GATAD2A: variants seen among roughly 807,000 people sequenced by gnomAD.
GATAD2A encodes the protein GATA zinc finger domain containing 2A, also known as transcriptional repressor p66-alpha.
In GATAD2A, 12 loss-of-function variants were observed where a neutral mutation model predicts 68.5. The observed-to-expected ratio is 0.18, with a 90% CI of 0.11 to 0.28. The LOEUF is 0.28. GATAD2A is among the 10% of genes least tolerant of loss of function. The pLI is 1.00. For missense variants in GATAD2A, 755 were observed against 868.5 expected (o/e 0.87, Z 1.64); for synonymous variants, 410 against 375.3 (o/e 1.09, Z -1.07).
chr19:19,402,810 G>A (rs2049890758), upstream of GATAD2A, among the ~76,000 whole-genome samples: 1 of 124,934 alleles, frequency 8.0e-6, no homozygotes, highest in Admixed American at 9.7e-5. Context: ...TTCTGGCTCT[G>A]TCGGCCAGGC....
chr19:19,478,063 C>T lies in GATAD2A; in HGVS notation c.269+12449C>T, dbSNP rs2058795083. Among the ~76,000 whole-genome samples, 3 of 152,106 alleles carry T rather than the reference C, an allele frequency of 2.0e-5. No individual in the cohort carries two copies. In the South Asian group the frequency reaches 6.2e-4, roughly 31 times the overall value. ...TTATAGTGTATCTTTGGGGTGAATC[C>T]TATTAAATTTTTAGTACCTCTCACT... On this transcript the variant is annotated intron_variant, in intron 2 of 11. Transcript: ENST00000683918.
At chr19:19,449,421 C>T (rs1439001052) in intron 1 of GATAD2A, among the ~76,000 whole-genome samples, 1 of 152,110 alleles carries the variant, frequency 6.6e-6, no homozygotes, top group East Asian at 1.9e-4. Context: ...AACTCCTGGG[C>T]TCAAGCACTC....
At chr19:19,504,630 T>G (rs1285271510) in intron 11 of GATAD2A, among the ~76,000 whole-genome samples, 2 of 144,798 alleles carry the variant, frequency 1.4e-5, no homozygotes, top group South Asian at 2.3e-4. Context: ...TAGGAGATAG[T>G]TTTTTTTTCC....
chr19:19,499,906 C>G (rs779680342), intron 8 of GATAD2A, among the ~76,000 whole-genome samples: 1 of 152,224 alleles, frequency 6.6e-6, no homozygotes, highest in African/African-American at 2.4e-5. Flanking sequence ...AGGTGAGGCT[C>G]TGACACAGCC....
intron 1 of GATAD2A, among the ~76,000 whole-genome samples, chr19:19,446,604 G>A (rs1044014264): frequency 1.3e-5 from 2 of 151,958 alleles, no homozygotes; most frequent in African/African-American, 4.8e-5. Flanking sequence ...CAAACACCAA[G>A]TCATGACATT....
At chr19:19,434,051 G>A (rs1417886336) in intron 1 of GATAD2A, among the ~76,000 whole-genome samples, 2 of 152,204 alleles carry the variant, frequency 1.3e-5, no homozygotes, top group African/African-American at 4.8e-5. Context: ...GTAATTAGAG[G>A]CATGAGCCAC....
At chr19:19,490,279 C>G (rs2059701749) in intron 2 of GATAD2A, among the ~76,000 whole-genome samples, 1 of 152,110 alleles carries the variant, frequency 6.6e-6, no homozygotes, top group Non-Finnish European at 1.5e-5. Context: ...TAAAGCGGTT[C>G]CTGAGTCCAG....
At chr19:19,437,092 G>A (rs2054452039) in intron 1 of GATAD2A, among the ~76,000 whole-genome samples, 1 of 152,092 alleles carries the variant, frequency 6.6e-6, no homozygotes, top group Non-Finnish European at 1.5e-5. Flanking sequence ...TTTCCAGAAT[G>A]TTCTCCAAAC....
rs763414429 is a variant in GATAD2A at position 19,465,289 on chromosome 19, G to C, written c.-6-51G>C. 17 of 1,378,256 alleles carry C rather than the reference G, an allele frequency of 1.2e-5. 1 individual carries two copies. The Admixed American group carries it at 2.7e-4, about 22-fold the overall frequency. The allele number at this position is 1,378,256 out of a possible 1,614,324, so 85.4% of individuals were successfully genotyped here. ...ACACTGAAAAGTCTCCAAGAAGGTGGCACCTTCATTGCACCCAGTTAAAAT... is the reference window on the plus strand; with the variant it reads ...ACACTGAAAAGTCTCCAAGAAGGTGCCACCTTCATTGCACCCAGTTAAAAT... On this transcript the variant is annotated intron_variant, in intron 1 of 11. Transcript: ENST00000683918.
chr19:19,505,823 C>T lies in GATAD2A; in HGVS notation c.*349C>T, dbSNP rs1465097996. 8 of 436,268 alleles carry T rather than the reference C, an allele frequency of 1.8e-5. No homozygotes were observed. Among genetic ancestry groups the T allele is most frequent in the South Asian group, 6.9e-5 (1 of 14,540 alleles). 27.0% of individuals were successfully genotyped at this position (436,268 alleles called of 1,614,324 possible). On this transcript the variant is annotated 3_prime_UTR_variant, in exon 12 of 12. Transcript: ENST00000683918. ...CCCTTGTTCAGCCCCTGCCGGCACA[C>T]GGGCGGCTCACCCTGGACACTGTGA...
rs575057323 is a variant in GATAD2A, at chr19:19,493,737, C to T, written c.535-557C>T. ...AAACCCTGCCCCCACTGCCCCCGCG[C>T]CCCCTCCCCGCCCCCCACCTTACAC... On this transcript the variant is annotated intron_variant, in intron 4 of 11. Coordinates refer to ENST00000683918, the MANE Select transcript of GATAD2A (RefSeq NM_001384528.1). Among the ~76,000 whole-genome samples the T allele has an allele frequency of 1.1e-3, 168 of 147,970 alleles. 3 individuals carry two copies. Among genetic ancestry groups the T allele is most frequent in the Admixed American group, 0.01 (150 of 14,722 alleles).
chr19:19,493,420 A>G (rs1828954836), intron 4 of GATAD2A, among the ~76,000 whole-genome samples: 1 of 152,206 alleles, frequency 6.6e-6, no homozygotes, highest in Admixed American at 6.5e-5. Context: ...TCCCAGCTGC[A>G]AGTGTGCTGA....
chr19:19,472,151 C>T (rs149856362), intron 2 of GATAD2A, among the ~76,000 whole-genome samples: 1 of 152,212 alleles, frequency 6.6e-6, no homozygotes, highest in African/African-American at 2.4e-5. Context: ...CCTGCCTCAG[C>T]CTCCCAAAGT....
chr19:19,418,868 T>C (rs920168538), intron 1 of GATAD2A, among the ~76,000 whole-genome samples: 10 of 152,100 alleles, frequency 6.6e-5, no homozygotes, highest in Non-Finnish European at 1.2e-4. Context: ...CCCTGGGGAT[T>C]TGCCACTTGG....
At chr19:19,409,921 G>C (rs543656299) in intron 1 of GATAD2A, among the ~76,000 whole-genome samples, 1 of 152,142 alleles carries the variant, frequency 6.6e-6, no homozygotes, top group Non-Finnish European at 1.5e-5. Context: ...TGGAAATGTA[G>C]GTTAGTCTTT....
chr19:19,404,568 G>C (rs2050020817), upstream of GATAD2A, among the ~76,000 whole-genome samples: 1 of 152,106 alleles, frequency 6.6e-6, no homozygotes, highest in Admixed American at 6.5e-5. Flanking sequence ...TGTAATCCCA[G>C]CTACTGGGGA....
chr19:19,442,499 C>T (rs1383996003), intron 1 of GATAD2A, among the ~76,000 whole-genome samples: 3 of 152,030 alleles, frequency 2.0e-5, no homozygotes, highest in Non-Finnish European at 4.4e-5. Flanking sequence ...TAGTGACGCA[C>T]GCCTGTAATC....
chr19:19,454,980 C>T (rs1253006034), intron 1 of GATAD2A, among the ~76,000 whole-genome samples: 3 of 152,174 alleles, frequency 2.0e-5, no homozygotes, highest in African/African-American at 7.2e-5. Context: ...AATTCGCAGA[C>T]ACGCCCATTC....
intron 1 of GATAD2A, among the ~76,000 whole-genome samples, chr19:19,462,883 A>C (rs1276944307): frequency 2.0e-5 from 3 of 152,102 alleles, no homozygotes; most frequent in Non-Finnish European, 4.4e-5. Context: ...GGCTTCATGG[A>C]ACTGAGCCCA....
Sources: gnomAD v4.1 joint callset for allele counts (sites outside exome capture counted in the v4.1 genomes callset) on GRCh38, gnomAD v4.1.1 for gene constraint, MANE v1.5 for transcripts, NCBI Gene and HGNC (gene_info 2026-07-23, HGNC 2026-07-21) for gene names.